PEBP4: variants seen among roughly 807,000 people sequenced by gnomAD.
PEBP4 encodes the protein phosphatidylethanolamine binding protein 4.
PEBP4 carries 22 observed loss-of-function variants against 23.9 expected under a neutral mutation model. The ratio of observed to expected loss-of-function variants is 0.92; its 90% confidence interval spans 0.66 to 1.31. PEBP4 has a LOEUF of 1.31. Among genes scored for constraint, PEBP4 ranks in the 40% most tolerant of loss-of-function variants. PEBP4 has a pLI of 0.00. For synonymous variants in PEBP4, 112 were observed against 99.3 expected (o/e 1.13, Z -0.76); for missense variants, 324 against 281.7 (o/e 1.15, Z -1.07).
At chr8:22,824,718 G>A (rs1015728800) in intron 3 of PEBP4, among the ~76,000 whole-genome samples, 2 of 152,154 alleles carry the variant, frequency 1.3e-5, no homozygotes, top group African/African-American at 2.4e-5. Flanking sequence ...CATAAGGAGC[G>A]TTGCAACCTA....
At chr8:22,860,800 T>C (rs570995273) in intron 3 of PEBP4, among the ~76,000 whole-genome samples, 1 of 152,214 alleles carries the variant, frequency 6.6e-6, no homozygotes, top group South Asian at 2.1e-4. Context: ...AGCCACAGTC[T>C]CTCCTGCACG....
intron 3 of PEBP4, among the ~76,000 whole-genome samples, chr8:22,892,030 G>A (rs1042335185): frequency 2.0e-5 from 3 of 151,454 alleles, no homozygotes; most frequent in Non-Finnish European, 2.9e-5. Flanking sequence ...CCGAGATCGC[G>A]CCACTGCAGT....
chr8:22,803,281 T>C (rs1806426995), intron 4 of PEBP4, among the ~76,000 whole-genome samples: 1 of 152,164 alleles, frequency 6.6e-6, no homozygotes, highest in African/African-American at 2.4e-5. Context: ...GCCCTTTGGC[T>C]GCAAATATCA....
chr8:22,738,377 TCAGA>T (rs1429536008), intron 4 of PEBP4, among the ~76,000 whole-genome samples: 1 of 151,708 alleles, frequency 6.6e-6, no homozygotes, highest in Admixed American at 6.6e-5. Context: ...GCCTTGGGGG[TCAGA>T]CAGAGGATCC....
intron 4 of PEBP4, among the ~76,000 whole-genome samples, chr8:22,744,930 TGCCG>T (rs1382610439): frequency 6.6e-6 from 1 of 152,184 alleles, no homozygotes; most frequent in African/African-American, 2.4e-5. Flanking sequence ...GTTAATGACT[TGCCG>T]GAGATGGGAG....
intron 4 of PEBP4, among the ~76,000 whole-genome samples, chr8:22,731,920 C>T (rs374181889): frequency 1.3e-5 from 2 of 152,062 alleles, no homozygotes; most frequent in East Asian, 1.9e-4. Context: ...CGTGATCCGC[C>T]CGCCTCGGCT....
intron 4 of PEBP4, among the ~76,000 whole-genome samples, chr8:22,799,604 G>A (rs1042747858): frequency 3.3e-5 from 5 of 152,210 alleles, no homozygotes; most frequent in African/African-American, 9.7e-5. Context: ...TGCACAACGT[G>A]CAGGTTTGTT....
chr8:22,893,572 G>T (rs546464033), intron 3 of PEBP4, among the ~76,000 whole-genome samples: 14 of 152,072 alleles, frequency 9.2e-5, no homozygotes, highest in Non-Finnish European at 1.9e-4. Context: ...GTAGGGGAAG[G>T]CTTATATATT....
chr8:22,738,632 TCA>T (rs1158708832), intron 4 of PEBP4, among the ~76,000 whole-genome samples: 2 of 151,670 alleles, frequency 1.3e-5, no homozygotes, highest in Non-Finnish European at 1.5e-5. Flanking sequence ...AGAGCACAAG[TCA>T]CACACACACA....
At chr8:22,759,739 C>T (rs1428028069) in intron 4 of PEBP4, among the ~76,000 whole-genome samples, 1 of 152,216 alleles carries the variant, frequency 6.6e-6, no homozygotes, top group Non-Finnish European at 1.5e-5. Flanking sequence ...AAGCCCCCAT[C>T]ACCACCCAGC....
chr8:22,894,886 G>A (rs1258960634), intron 3 of PEBP4, among the ~76,000 whole-genome samples: 4 of 152,124 alleles, frequency 2.6e-5, no homozygotes, highest in Admixed American at 2.6e-4. Context: ...AGCAGAAGCT[G>A]CCCCTTTTCC....
intron 4 of PEBP4, among the ~76,000 whole-genome samples, chr8:22,745,231 C>T (rs1322765194): frequency 6.6e-6 from 1 of 152,228 alleles, no homozygotes; most frequent in African/African-American, 2.4e-5. Flanking sequence ...CAGGGACAGG[C>T]CACATTCTCC....
intron 3 of PEBP4, among the ~76,000 whole-genome samples, chr8:22,860,708 G>A (rs1026521506): frequency 6.6e-6 from 1 of 152,148 alleles, no homozygotes; most frequent in Non-Finnish European, 1.5e-5. Flanking sequence ...CTTTCCTCAA[G>A]ACCCTCCGTT....
intron 3 of PEBP4, among the ~76,000 whole-genome samples, chr8:22,819,997 G>A (rs948745307): frequency 6.6e-6 from 1 of 152,198 alleles, no homozygotes; most frequent in Non-Finnish European, 1.5e-5. Context: ...AGAGGAGGAA[G>A]GGGATCATTA....
At chr8:22,716,190 T>C (rs1320433814) in intron 6 of PEBP4, among the ~76,000 whole-genome samples, 1 of 152,152 alleles carries the variant, frequency 6.6e-6, no homozygotes, top group Non-Finnish European at 1.5e-5. Context: ...CACAGAGGCC[T>C]GGGCATCTCA....
chr8:22,927,543 T>C (rs1809369561), intron 2 of PEBP4, 41 bp downstream of exon 2: 1 of 1,584,320 alleles, frequency 6.3e-7, no homozygotes, highest in African/African-American at 1.4e-5. Context: ...ACCTGCCTGG[T>C]AGCCTCTGTG....
chr8:22,903,676 A>C (rs1159404216), intron 3 of PEBP4, among the ~76,000 whole-genome samples: 1 of 152,116 alleles, frequency 6.6e-6, no homozygotes, highest in Admixed American at 6.5e-5. Flanking sequence ...TAAAATTCCA[A>C]CTTGTAGCTG....
At chr8:22,774,048 C>T (rs1056956085) in intron 4 of PEBP4, among the ~76,000 whole-genome samples, 2 of 152,138 alleles carry the variant, frequency 1.3e-5, no homozygotes, top group African/African-American at 2.4e-5. Flanking sequence ...ATAAAACGGG[C>T]ACCACAGCCT....
At chr8:22,740,977 G>A (rs1319240244) in intron 4 of PEBP4, among the ~76,000 whole-genome samples, 2 of 152,144 alleles carry the variant, frequency 1.3e-5, no homozygotes, top group Admixed American at 6.5e-5. Flanking sequence ...CCTACCCTAC[G>A]TGAGGAGGGA....
Sources: gnomAD v4.1 joint callset for allele counts (sites outside exome capture counted in the v4.1 genomes callset) on GRCh38, gnomAD v4.1.1 for gene constraint, MANE v1.5 for transcripts, NCBI Gene and HGNC (gene_info 2026-07-23, HGNC 2026-07-21) for gene names.